The following LAMA5 variants were observed in gnomAD, a reference collection of about 807,000 sequenced individuals.
LAMA5 encodes the protein laminin subunit alpha 5, also known as laminin subunit alpha-5.
LAMA5 carries 260 observed loss-of-function variants against 433.4 expected under a neutral mutation model. The ratio of observed to expected loss-of-function variants is 0.60; its 90% CI spans 0.54 to 0.66. The LOEUF is 0.66. Ranked by LOEUF, LAMA5 falls within the 30% of genes least tolerant of loss-of-function variation. The pLI, the probability that LAMA5 is intolerant of heterozygous loss-of-function variation, is 0.00. For missense variants in LAMA5, 5,378 were observed against 5,258.5 expected, an observed-to-expected ratio of 1.02 and a Z score of -0.70; for synonymous variants, 2,620 against 2,226.6, an observed-to-expected ratio of 1.18 and a Z score of -4.97.
At position 62,318,443 on chromosome 20, in the gene LAMA5, G is replaced by T; in HGVS notation, c.7239+11C>A. 6.3e-7 allele frequency: 1 copy of T among 1,585,280 alleles called. No individual in the cohort carries two copies. The highest frequency in any genetic ancestry group is 8.5e-7 in the Non-Finnish European group (1 of 1,170,314). On this transcript the variant is annotated intron_variant, in intron 53 of 79. Coordinates refer to ENST00000252999, the MANE Select transcript of LAMA5 (RefSeq NM_005560.6). ...GAGGAGCAGGAGGAAGAACAAGTCC[G>T]GGGTCCTCACCAGGGCTTCCTCCAG... is the stretch of plus-strand genomic sequence containing the variant.
intron 6 of LAMA5, 78 bp downstream of exon 6, chr20:62,351,621 CAGGTT>C (rs1283206834): frequency 4.4e-6 from 6 of 1,354,492 alleles, no homozygotes; most frequent in Non-Finnish European, 6.2e-6. Context: ...CACCCACCCT[CAGGTT>C]AGGCAGGGGT....
At position 62,338,264 on chromosome 20, in the gene LAMA5, G is replaced by A. The variant is rs138514452; in HGVS notation, c.1724C>T (p.Ala575Val). The change falls in exon 13 of 80, where the codon GCC becomes GTC. Residue 575 changes from alanine to valine, a missense_variant. By Grantham distance (64) the Ala-to-Val change is moderately conservative. Transcript: ENST00000252999. ...GFEGATCDRC[A>V]PGYFHFPLCQ... Reference sequence around the variant, plus strand: ...GAGAGGGAAGTGAAAGTAGCCGGGGGCACAGCGATCACATGTGGCCCCCTC... The same window carrying A: ...GAGAGGGAAGTGAAAGTAGCCGGGGACACAGCGATCACATGTGGCCCCCTC... 783 of 1,600,578 alleles carry A rather than the reference G, an allele frequency of 4.9e-4. 3 individuals carry two copies. In the African/African-American group the frequency reaches 8.1e-3, roughly 16 times the overall value.
At chr20:62,348,327 G>A (rs377304208) in intron 6 of LAMA5, among the ~76,000 whole-genome samples, 23 of 152,316 alleles carry the variant, frequency 1.5e-4, no homozygotes, top group Admixed American at 5.2e-4. Flanking sequence ...AACATAGGCC[G>A]GGCGCAGTGG....
In LAMA5 at chr20:62,346,737, G is replaced by A; in HGVS notation, c.1136C>T (p.Ala379Val). The change falls in exon 8 of 80, where the codon GCC becomes GTC. Residue 379 changes from alanine (A) to valine (V), a missense_variant. Transcript: ENST00000252999. ...YYDPEVDRRR[A>V]SQSLDGTYQG... ...ATAGGTGCCATCCAGGCTCTGGCTGGCGCGGCGCCGGTCCACCTCAGGGTC... is the reference window on the plus strand; with the variant it reads ...ATAGGTGCCATCCAGGCTCTGGCTGACGCGGCGCCGGTCCACCTCAGGGTC... The A allele has an allele frequency of 6.2e-7, 1 of 1,613,208 alleles. No individual in the cohort carries two copies. Among genetic ancestry groups the A allele is most frequent in the South Asian group, 1.1e-5 (1 of 91,072 alleles).
Position 62,318,493 on chromosome 20 carries a change from C to T in LAMA5, c.7200G>A (p.Glu2400=), listed in dbSNP as rs766338186. 7 of 1,608,350 alleles carry T rather than the reference C, an allele frequency of 4.4e-6. No individual in the cohort carries two copies. The highest frequency in any genetic ancestry group is 5.1e-6 in the Non-Finnish European group (6 of 1,178,778). The change falls in exon 53 of 80, where the codon GAG becomes GAA. Residue 2400 remains glutamate (E), a synonymous_variant. Transcript: ENST00000252999. ...GGCGCTCCTGGTTGCGGCTGTTGAG[C>T]TCCTGGGCCTCCCGTGTGGCGTCCA... The part of the protein sequence containing the change: ...RAVDATREAQ[E]LNSRNQERLE...
chr20:62,335,278 A>G lies in LAMA5; in HGVS notation c.2324-9T>C. The stretch of plus-strand genomic sequence containing the variant: ...GAGGTCGCAGCTGCAGCCTGGGGAG[A>G]GCAGGGCAGGACTCAGATGCTTGGT... On this transcript the variant is annotated splice_polypyrimidine_tract_variant and intron_variant, in intron 18 of 79. Coordinates refer to ENST00000252999, the MANE Select transcript of LAMA5 (RefSeq NM_005560.6). The G allele has an allele frequency of 6.2e-7, 1 of 1,611,716 alleles. No homozygotes were observed.
At position 62,367,288 on chromosome 20, in the gene LAMA5, C is replaced by T; in HGVS notation, c.-43G>A. On this transcript the variant is annotated 5_prime_UTR_variant, in exon 1 of 80. Coordinates refer to ENST00000252999, the MANE Select transcript of LAMA5 (RefSeq NM_005560.6). Reference sequence around the variant, plus strand: ...GCGTCCCCGAGCTCCAGGGACAGCGCGCGCGGCGGGAGCCCGGCGGGTCTG... The same window carrying T: ...GCGTCCCCGAGCTCCAGGGACAGCGTGCGCGGCGGGAGCCCGGCGGGTCTG... 2 of 1,136,608 alleles carry T rather than the reference C, an allele frequency of 1.8e-6. No homozygotes were observed. Among genetic ancestry groups the T allele is most frequent in the East Asian group, 9.2e-5 (2 of 21,798 alleles). The allele number at this position is 1,136,608 out of a possible 1,614,324, so 70.4% of individuals were successfully genotyped here.
Position 62,337,720 on chromosome 20 carries a change from G to A in LAMA5, c.2034C>T (p.His678=). 1 of 1,609,190 alleles carries A rather than the reference G, an allele frequency of 6.2e-7. No homozygotes were observed. The change falls in exon 16 of 80, where the codon CAC becomes CAT. Residue 678 remains histidine (H), a synonymous_variant. Transcript: ENST00000252999. The part of the protein sequence containing the change: ...FHGFPSCVPC[H]CSAEGSLHAA... ...CGTGCAGGGAGCCTTCAGCAGAGCA[G>A]TGGCAGGCTGCAGACAAGGATAGCT...
intron 6 of LAMA5, among the ~76,000 whole-genome samples, chr20:62,349,455 G>A (rs1983862682): frequency 6.6e-6 from 1 of 151,456 alleles, no homozygotes; most frequent in Non-Finnish European, 1.5e-5. Flanking sequence ...ACCTGGAGAG[G>A]TGAAGAGACA....
Position 62,327,889 on chromosome 20 carries a change from G to C in LAMA5, c.4774C>G (p.Leu1592Val), listed in dbSNP as rs780789130. 81 of 1,610,872 alleles carry C rather than the reference G, an allele frequency of 5.0e-5. 1 individual carries two copies. The highest frequency in any genetic ancestry group is 1.7e-5 in the Admixed American group (1 of 59,898). ...ACCTTACAGTAGCACTGCCCTGTGA[G>C]GGGGTCACACACGCCAGGCGCAGTG... ...AGTAPGVCDP[L>V]TGQCYCKENV... Residue 1592 changes from leucine (L) to valine (V), a missense_variant, in exon 36 of 80, where the codon CTC becomes GTC. Leu to Val is a conservative substitution (Grantham distance 32). Transcript: ENST00000252999.
chr20:62,316,595 T>TGGCTGGG (rs1356038172), intron 57 of LAMA5, 76 bp downstream of exon 57: 7 of 1,172,064 alleles, frequency 6.0e-6, no homozygotes, highest in Admixed American at 2.8e-5. Flanking sequence ...CGTGTGCATG[T>TGGCTGGG]GGCTGGGGGC....
At chr20:62,328,146 A>G in intron 35 of LAMA5, 95 bp downstream of exon 35, 2 of 1,509,104 alleles carry the variant, frequency 1.3e-6, no homozygotes, top group South Asian at 1.2e-5. Flanking sequence ...AGGGAGCACA[A>G]ATGGGAGCAG....
chr20:62,310,204 A>C lies in LAMA5; in HGVS notation c.10708T>G (p.Leu3570Val). ...TGCTTCTCGGTCACCTGCAACTGCA[A>C]GTAGGGGGGCGTCCGGGCCTGGCCC... ...HLGQARTPPY[L>V]QLQVTEKQVL... The change falls in exon 77 of 80, where the codon TTG becomes GTG. Residue 3570 changes from leucine to valine, a missense_variant. Coordinates refer to ENST00000252999, the MANE Select transcript of LAMA5 (RefSeq NM_005560.6). The C allele has an allele frequency of 1.9e-6, 3 of 1,612,542 alleles. No homozygotes were observed. The highest frequency in any genetic ancestry group is 2.5e-6 in the Non-Finnish European group (3 of 1,179,944).
Position 62,309,240 on chromosome 20 carries a change from A to C in LAMA5, c.*96T>G. On this transcript the variant is annotated 3_prime_UTR_variant, in exon 80 of 80. Coordinates refer to ENST00000252999, the MANE Select transcript of LAMA5 (RefSeq NM_005560.6). ...TTCAGAAACAAGATCTGTCACCCGT[A>C]GAGCTTAGAGTCCAAATAGACACCT... is the stretch of plus-strand genomic sequence containing the variant. 1 of 1,212,122 alleles carries C rather than the reference A, an allele frequency of 8.2e-7. No homozygotes were observed. The highest frequency in any genetic ancestry group is 1.1e-6 in the Non-Finnish European group (1 of 881,898). 75.1% of individuals were successfully genotyped at this position (1,212,122 alleles called of 1,614,324 possible).
Position 62,318,854 on chromosome 20 carries a change from G to A in LAMA5, c.7031C>T (p.Ala2344Val), listed in dbSNP as rs143257488. The change falls in exon 52 of 80, where the codon GCA becomes GTA. Residue 2344 changes from alanine (A) to valine (V), a missense_variant. Coordinates refer to ENST00000252999, the MANE Select transcript of LAMA5 (RefSeq NM_005560.6). ...PQAAAEAELAAAQRLLARVQE... is the reference protein window; with the variant it reads ...PQAAAEAELAVAQRLLARVQE... ...ACAACACCACTCACATCTCTGTGCT[G>A]CAGCCAACTCAGCCTCAGCTGCTGC... 1.9e-5 allele frequency: 31 copies of A among 1,610,066 alleles called. No individual in the cohort carries two copies. In the African/African-American group the frequency reaches 2.8e-4, roughly 15 times the overall value.
At chr20:62,327,724 G>C (rs915718527) in intron 36 of LAMA5, 55 bp from the exon 37 acceptor site, 6 of 1,599,268 alleles carry the variant, frequency 3.8e-6, no homozygotes, top group Admixed American at 1.7e-5. Context: ...CCTGACCCCG[G>C]GTTCCTGGTA....
rs71195443 is a variant in LAMA5, at chr20:62,332,952, G to GAGGCAGA, written c.3282+137_3282+138insTCTGCCT. ...GCAGGAGGCAGGAGGCAGGAGGCAG[G>GAGGCAGA]GGCGCCCTGCCTGGGTGCTGGGCTC... On this transcript the variant is annotated intron_variant, in intron 26 of 79. Transcript: ENST00000252999. 3.3e-5 allele frequency: 39 copies of GAGGCAGA among 1,172,292 alleles called. No individual in the cohort carries two copies. In the African/African-American group the frequency reaches 4.7e-4, roughly 14 times the overall value. The allele number at this position is 1,172,292 out of a possible 1,614,324, so 72.6% of individuals were successfully genotyped here. A position where few individuals can be genotyped will look rare whatever the true frequency, so the allele number is the denominator to read the frequency against.
At position 62,322,771 on chromosome 20, in the gene LAMA5, T is replaced by A. The variant is rs1246753630; in HGVS notation, c.6065-13A>T. 1 of 1,449,196 alleles carries A rather than the reference T, an allele frequency of 6.9e-7. No individual in the cohort carries two copies. Among genetic ancestry groups the A allele is most frequent in the South Asian group, 1.4e-5 (1 of 71,276 alleles). The allele number at this position is 1,449,196 out of a possible 1,614,324, so 89.8% of individuals were successfully genotyped here. On this transcript the variant is annotated splice_polypyrimidine_tract_variant and intron_variant, in intron 45 of 79. Transcript: ENST00000252999. The stretch of plus-strand genomic sequence containing the variant: ...GTACAGTCGCACCCTGCAGAAGGGG[T>A]CCGTGACTGCAGCCCTGGGCCCTCT...
intron 79 of LAMA5, 119 bp downstream of exon 79, chr20:62,309,596 AG>A: frequency 2.9e-6 from 1 of 350,400 alleles, no homozygotes. Context: ...GGAGGGTGGT[AG>A]GGGGGTGGGA....
Sources: allele counts gnomAD v4.1 joint callset (sites outside exome capture counted in the v4.1 genomes callset), GRCh38; gene constraint gnomAD v4.1.1; transcripts MANE v1.5; gene names NCBI Gene and HGNC (gene_info 2026-07-23, HGNC 2026-07-21).